PCDH7: variants seen among roughly 807,000 people sequenced by gnomAD.
The protein encoded by PCDH7 is protocadherin-7.
In PCDH7, 17 loss-of-function variants were observed where a neutral mutation model predicts 58.9. That is an observed-to-expected ratio of 0.29 (90% confidence interval 0.20 to 0.43). PCDH7 has a LOEUF of 0.43. Among genes scored for constraint, PCDH7 ranks in the 20% least tolerant of loss-of-function variants. The pLI is 1.00. For missense variants in PCDH7, 1,274 were observed against 1,441.0 expected (o/e 0.88, Z 1.88); for synonymous variants, 664 against 616.4 (o/e 1.08, Z -1.14).
intron 1 of PCDH7, among the ~76,000 whole-genome samples, chr4:30,806,417 G>C (rs1177875048): frequency 6.6e-6 from 1 of 151,770 alleles, no homozygotes; most frequent in Non-Finnish European, 1.5e-5. Context: ...CAGTTCTCCT[G>C]TCTCAGCCTC....
At chr4:30,986,386 G>A (rs930142257) in intron 3 of PCDH7, among the ~76,000 whole-genome samples, 42 of 152,058 alleles carry the variant, frequency 2.8e-4, no homozygotes, top group African/African-American at 8.7e-4. Context: ...GTAGCTATGA[G>A]TGCCTTTCTT....
intron 1 of PCDH7, among the ~76,000 whole-genome samples, chr4:30,894,506 TATATATATATACACACACACACAC>T (rs1739087861): frequency 2.0e-5 from 1 of 50,334 alleles, no homozygotes; most frequent in Non-Finnish European, 3.3e-5. Flanking sequence ...TATATATATA[TATATATATATACACACACACACAC>T]ACACACACAC....
chr4:30,848,426 G>A (rs146479335), intron 1 of PCDH7, among the ~76,000 whole-genome samples: 37 of 152,108 alleles, frequency 2.4e-4, no homozygotes, highest in African/African-American at 8.4e-4. Flanking sequence ...ATACTAAATG[G>A]TGATTTTGAG....
At chr4:30,950,688 G>A (rs1747268942) in intron 3 of PCDH7, among the ~76,000 whole-genome samples, 1 of 152,046 alleles carries the variant, frequency 6.6e-6, no homozygotes, top group South Asian at 2.1e-4. Context: ...AGAAAATTAG[G>A]TATAAGCTAG....
chr4:30,726,739 A>G (rs1714661639), intron 1 of PCDH7, among the ~76,000 whole-genome samples: 1 of 151,974 alleles, frequency 6.6e-6, no homozygotes, highest in African/African-American at 2.4e-5. Context: ...TTTAACCCCA[A>G]GTAAATAGCT....
At chr4:30,804,412 A>G (rs997784132) in intron 1 of PCDH7, among the ~76,000 whole-genome samples, 16 of 152,052 alleles carry the variant, frequency 1.1e-4, no homozygotes, top group African/African-American at 3.4e-4. Context: ...GATGGTGTGT[A>G]TCTGTAGTCC....
chr4:31,071,982 G>A (rs1279717027), intron 3 of PCDH7, among the ~76,000 whole-genome samples: 1 of 152,034 alleles, frequency 6.6e-6, no homozygotes, highest in Non-Finnish European at 1.5e-5. Flanking sequence ...AGAGCTATGA[G>A]TCATGTTTAC....
At chr4:30,866,499 T>A (rs1057356947) in intron 1 of PCDH7, among the ~76,000 whole-genome samples, 1 of 152,100 alleles carries the variant, frequency 6.6e-6, no homozygotes, top group Non-Finnish European at 1.5e-5. Context: ...ATCTTTTTAA[T>A]AGAGGCATTT....
chr4:31,061,567 C>T (rs1295204917), intron 3 of PCDH7, among the ~76,000 whole-genome samples: 2 of 151,466 alleles, frequency 1.3e-5, no homozygotes, highest in African/African-American at 4.8e-5. Context: ...AGTCTCCATG[C>T]ACTTAAATTG....
At chr4:30,868,442 G>A (rs1484338791) in intron 1 of PCDH7, among the ~76,000 whole-genome samples, 3 of 152,072 alleles carry the variant, frequency 2.0e-5, no homozygotes, top group African/African-American at 2.4e-5. Flanking sequence ...GAGCACTTAC[G>A]AGCAGGCGTT....
At chr4:30,927,133 A>G (rs1440270640) in intron 2 of PCDH7, among the ~76,000 whole-genome samples, 2 of 152,172 alleles carry the variant, frequency 1.3e-5, no homozygotes, top group Middle Eastern at 3.4e-3. Context: ...CAGACTCCCA[A>G]AGCTTTTGCT....
intron 1 of PCDH7, among the ~76,000 whole-genome samples, chr4:30,787,369 G>T (rs866659817): frequency 6.6e-6 from 1 of 151,986 alleles, no homozygotes. Context: ...ATTTAATAAC[G>T]CATTAAGAAG....
chr4:30,831,797 CAT>C (rs1223932195), intron 1 of PCDH7, among the ~76,000 whole-genome samples: 1 of 152,100 alleles, frequency 6.6e-6, no homozygotes, highest in Non-Finnish European at 1.5e-5. Flanking sequence ...ACCCCCTTTT[CAT>C]AGAGTTATTA....
intron 3 of PCDH7, among the ~76,000 whole-genome samples, chr4:31,023,161 C>A (rs1205534076): frequency 1.3e-5 from 2 of 152,092 alleles, no homozygotes; most frequent in African/African-American, 4.8e-5. Flanking sequence ...GGTTTAAAAG[C>A]AGAGCATTTA....
intron 3 of PCDH7, among the ~76,000 whole-genome samples, chr4:30,977,694 T>A (rs1424854809): frequency 2.6e-5 from 4 of 152,180 alleles, no homozygotes; most frequent in Non-Finnish European, 5.9e-5. Flanking sequence ...TTATTCATTT[T>A]GTCCTTTCCT....
At chr4:30,906,426 G>T (rs879913318) in intron 1 of PCDH7, among the ~76,000 whole-genome samples, 2 of 152,048 alleles carry the variant, frequency 1.3e-5, no homozygotes, top group Non-Finnish European at 2.9e-5. Context: ...CCCTAATTCA[G>T]TTATTTCCAA....
chr4:30,757,971 C>G (rs545230932), intron 1 of PCDH7, among the ~76,000 whole-genome samples: 1 of 152,262 alleles, frequency 6.6e-6, no homozygotes, highest in Admixed American at 6.5e-5. Context: ...TGCTAAAAAT[C>G]ACTGCTATCA....
At chr4:30,759,066 CG>C (rs993369442) in intron 1 of PCDH7, among the ~76,000 whole-genome samples, 2 of 151,420 alleles carry the variant, frequency 1.3e-5, no homozygotes, top group Non-Finnish European at 2.9e-5. Context: ...CTCAGCCTCC[CG>C]AGTAGTTGGG....
intron 2 of PCDH7, among the ~76,000 whole-genome samples, chr4:30,929,816 T>C (rs1410555374): frequency 6.6e-6 from 1 of 152,164 alleles, no homozygotes; most frequent in Non-Finnish European, 1.5e-5. Context: ...AGAACCCCAG[T>C]GCCCAATGCT....
Sources: allele counts gnomAD v4.1 joint callset (sites outside exome capture counted in the v4.1 genomes callset), GRCh38; gene constraint gnomAD v4.1.1; transcripts MANE v1.5; gene names NCBI Gene and HGNC (gene_info 2026-07-23, HGNC 2026-07-21).